Variants in SPMIP2 observed in about 807,000 individuals in gnomAD.
The protein encoded by SPMIP2 is sperm microtubule inner protein 2, also known as protein SPMIP2.
chr4:158,926,657 C>A, the SPMIP2 span, among the ~76,000 whole-genome samples: 1 of 152,012 alleles, frequency 6.6e-6, no homozygotes, highest in Non-Finnish European at 1.5e-5. Context: ...GGTAAAGTAT[C>A]CTATAGATCT....
chr4:158,915,372 C>G, the SPMIP2 span: 1 of 1,595,484 alleles, frequency 6.3e-7, no homozygotes, highest in Non-Finnish European at 8.5e-7. Context: ...GGAATAGGAA[C>G]AAATTGGTTC....
chr4:158,955,085 G>A, the SPMIP2 span, among the ~76,000 whole-genome samples: 2 of 152,048 alleles, frequency 1.3e-5, no homozygotes, highest in Admixed American at 6.6e-5. Flanking sequence ...CTTAAAACAA[G>A]AGTACATTTC....
At chr4:158,979,789 GT>G in the SPMIP2 span, among the ~76,000 whole-genome samples, 776 of 104,400 alleles carry the variant, frequency 7.4e-3, 9 homozygotes, top group African/African-American at 0.031. Flanking sequence ...AGTTGCAAGA[GT>G]TTTTTTTTTT....
At chr4:159,026,576 T>C in the SPMIP2 span, 3 of 467,446 alleles carry the variant, frequency 6.4e-6, no homozygotes, top group Non-Finnish European at 8.0e-6. Flanking sequence ...ATCAACAAGC[T>C]CAGTTCAATG....
the SPMIP2 span, among the ~76,000 whole-genome samples, chr4:159,022,470 G>A: frequency 2.6e-5 from 4 of 152,134 alleles, no homozygotes; most frequent in East Asian, 5.8e-4. Context: ...GAGCTTCAAG[G>A]TGCAGAACAT....
At chr4:158,930,376 T>G in the SPMIP2 span, among the ~76,000 whole-genome samples, 32 of 152,172 alleles carry the variant, frequency 2.1e-4, no homozygotes, top group Admixed American at 1.2e-3. Context: ...CTTTGCCTAT[T>G]TTTTGTATTT....
At chr4:158,942,528 G>C in the SPMIP2 span, among the ~76,000 whole-genome samples, 1 of 152,164 alleles carries the variant, frequency 6.6e-6, no homozygotes, top group African/African-American at 2.4e-5. Flanking sequence ...CAGCACTTTG[G>C]GAGGCCAAGG....
At chr4:159,059,907 G>T in the SPMIP2 span, among the ~76,000 whole-genome samples, 1 of 152,140 alleles carries the variant, frequency 6.6e-6, no homozygotes, top group Non-Finnish European at 1.5e-5. Flanking sequence ...GATTCTTTGG[G>T]GTGAGAGAAA....
chr4:159,080,392 T>A, the SPMIP2 span, among the ~76,000 whole-genome samples: 24 of 151,762 alleles, frequency 1.6e-4, no homozygotes, highest in African/African-American at 3.1e-4. Flanking sequence ...AATTAAAAAA[T>A]TTTTTTTGTA....
chr4:158,954,331 C>G, the SPMIP2 span, among the ~76,000 whole-genome samples: 2 of 129,414 alleles, frequency 1.5e-5, no homozygotes, highest in East Asian at 4.6e-4. Flanking sequence ...CTCATTTTCT[C>G]TTGCTGGTAC....
chr4:159,043,470 C>T, the SPMIP2 span, among the ~76,000 whole-genome samples: 1 of 152,180 alleles, frequency 6.6e-6, no homozygotes, highest in African/African-American at 2.4e-5. Flanking sequence ...GCCTCAGCCT[C>T]CCGAGTAGCT....
At chr4:158,942,983 TA>T in the SPMIP2 span, among the ~76,000 whole-genome samples, 1 of 152,194 alleles carries the variant, frequency 6.6e-6, no homozygotes, top group African/African-American at 2.4e-5. Flanking sequence ...TTTGATGGAA[TA>T]AAAAACATTA....
At chr4:158,949,372 C>T in the SPMIP2 span, among the ~76,000 whole-genome samples, 1 of 152,156 alleles carries the variant, frequency 6.6e-6, no homozygotes, top group Non-Finnish European at 1.5e-5. Context: ...TTCCTATGTA[C>T]CAAATGCTGT....
chr4:158,959,566 T>C, the SPMIP2 span, among the ~76,000 whole-genome samples: 12 of 152,182 alleles, frequency 7.9e-5, no homozygotes, highest in African/African-American at 2.9e-4. Flanking sequence ...ATTTTGCATA[T>C]GCTAATAGCT....
chr4:158,999,821 C>T, the SPMIP2 span, among the ~76,000 whole-genome samples: 1 of 152,118 alleles, frequency 6.6e-6, no homozygotes, highest in Admixed American at 6.5e-5. Context: ...AATTAAATTT[C>T]TTTATCTGAA....
chr4:159,040,857 C>T, the SPMIP2 span, among the ~76,000 whole-genome samples: 17 of 152,284 alleles, frequency 1.1e-4, no homozygotes, highest in South Asian at 3.1e-3. Context: ...CCCAACAACT[C>T]GTCTGAGTAA....
chr4:158,986,158 T>C, the SPMIP2 span, among the ~76,000 whole-genome samples: 2 of 151,468 alleles, frequency 1.3e-5, no homozygotes, highest in African/African-American at 4.8e-5. Flanking sequence ...TGGAAGAACA[T>C]TCCATGCTCA....
At chr4:158,900,944 A>G in the SPMIP2 span, among the ~76,000 whole-genome samples, 4 of 151,988 alleles carry the variant, frequency 2.6e-5, no homozygotes, top group East Asian at 5.8e-4. Context: ...GGTCTTTACA[A>G]TTTGGTATGT....
the SPMIP2 span, among the ~76,000 whole-genome samples, chr4:159,078,043 A>C: frequency 6.6e-6 from 1 of 152,238 alleles, no homozygotes; most frequent in East Asian, 1.9e-4. Flanking sequence ...TAAATGTGAA[A>C]AAAAGCAGAG....
Sources: gnomAD v4.1 joint callset for allele counts (sites outside exome capture counted in the v4.1 genomes callset) on GRCh38, gnomAD v4.1.1 for gene constraint, MANE v1.5 for transcripts, NCBI Gene and HGNC (gene_info 2026-07-23, HGNC 2026-07-21) for gene names.